Variants in NT5DC3 observed in about 807,000 individuals in gnomAD.
NT5DC3 encodes the protein 5'-nucleotidase domain-containing protein 3.
NT5DC3 carries 42 observed loss-of-function variants against 67.8 expected under a neutral mutation model. That is an observed-to-expected ratio of 0.62 (90% CI 0.48 to 0.80). The LOEUF is 0.80. Ranked by LOEUF, NT5DC3 falls within the 30% of genes least tolerant of loss-of-function variation. The pLI is 0.00. For missense variants in NT5DC3, 570 were observed against 696.4 expected, an observed-to-expected ratio of 0.82 and a Z score of 2.04; for synonymous variants, 237 against 255.6, an observed-to-expected ratio of 0.93 and a Z score of 0.69.
downstream of NT5DC3, among the ~76,000 whole-genome samples, chr12:103,770,182 A>G (rs547976977): frequency 3.4e-4 from 52 of 152,372 alleles, no homozygotes; most frequent in African/African-American, 1.1e-3. Flanking sequence ...TTTATAATGC[A>G]TCTTTAAGGA....
chr12:103,761,475 AACCATT>A, the NT5DC3 span: 9 of 1,404,492 alleles, frequency 6.4e-6, no homozygotes, highest in Non-Finnish European at 9.0e-6. Flanking sequence ...CCAACAGGCA[AACCATT>A]ACCAGAAGCC....
chr12:103,767,089 A>G (rs914665784), downstream of NT5DC3, among the ~76,000 whole-genome samples: 19 of 152,272 alleles, frequency 1.2e-4, no homozygotes, highest in African/African-American at 4.6e-4. Context: ...TATATATCCA[A>G]GAGACAGAAA....
intron 5 of NT5DC3, 120 bp from the exon 6 acceptor site, chr12:103,797,151 C>CA: frequency 9.5e-7 from 1 of 1,053,672 alleles, no homozygotes; most frequent in Non-Finnish European, 1.4e-6. Context: ...ATCATCAACA[C>CA]AAAAAAGGAA....
intron 9 of NT5DC3, among the ~76,000 whole-genome samples, 168 bp downstream of exon 9, chr12:103,792,996 C>T (rs114191905): frequency 0.013 from 1,970 of 152,280 alleles, 39 homozygotes; most frequent in African/African-American, 0.044. Context: ...CTGTCTGTTA[C>T]GTGCTCATGT....
intron 9 of NT5DC3, 186 bp from the exon 10 acceptor site, chr12:103,789,105 A>G (rs1885924798): frequency 7.2e-6 from 4 of 553,890 alleles, no homozygotes; most frequent in Middle Eastern, 9.5e-4. Flanking sequence ...GAAGCCCAGT[A>G]TCCAAAGGTG....
chr12:103,816,866 A>G (rs1342161368), intron 1 of NT5DC3, among the ~76,000 whole-genome samples: 1 of 152,174 alleles, frequency 6.6e-6, no homozygotes, highest in Non-Finnish European at 1.5e-5. Context: ...TCACTATGAC[A>G]TCATCCTTCA....
At chr12:103,811,322 G>T (rs55987022) in intron 2 of NT5DC3, among the ~76,000 whole-genome samples, 1 of 152,054 alleles carries the variant, frequency 6.6e-6, no homozygotes, top group Admixed American at 6.6e-5. Context: ...AGCCTCATCT[G>T]GGGGAAGAAA....
At chr12:103,785,010 G>A (rs762050772) in intron 12 of NT5DC3, among the ~76,000 whole-genome samples, 11 of 152,120 alleles carry the variant, frequency 7.2e-5, no homozygotes, top group African/African-American at 9.7e-5. Context: ...AAGTCCCACC[G>A]TAGCAGGTGC....
At position 103,806,752 on chromosome 12, in the gene NT5DC3, ATAATT is replaced by A. The variant is rs2139391935; in HGVS notation, c.468+98_468+102del. On this transcript the variant is annotated intron_variant, in intron 3 of 13. Coordinates refer to ENST00000392876, the MANE Select transcript of NT5DC3 (RefSeq NM_001031701.3). ...ATTTGGTTCTGCAGTCCCAAATAAC[ATAATT>A]TAAAACTAATTTGCCCGTTCAGTAA... The A allele has an allele frequency of 2.3e-5, 17 of 741,040 alleles. No individual in the cohort carries two copies. The South Asian group carries it at 2.9e-4, about 13-fold the overall frequency. The allele number at this position is 741,040 out of a possible 1,614,324, so 45.9% of individuals were successfully genotyped here.
chr12:103,758,382 C>A, the NT5DC3 span: 1 of 1,572,946 alleles, frequency 6.4e-7, no homozygotes, highest in South Asian at 1.1e-5. Flanking sequence ...AACTCAGTGG[C>A]TACACATTTA....
At chr12:103,755,162 G>T in the NT5DC3 span, 1 of 1,159,646 alleles carries the variant, frequency 8.6e-7, no homozygotes, top group Admixed American at 2.1e-5. Context: ...ACCACCTACT[G>T]TGTGCCAGGC....
At position 103,806,297 on chromosome 12, in the gene NT5DC3, T is replaced by G. The variant is rs1258366394; in HGVS notation, c.524+25A>C. 2.0e-6 allele frequency: 3 copies of G among 1,522,108 alleles called. No homozygotes were observed. The East Asian group carries it at 6.7e-5, about 34-fold the overall frequency. 94.3% of individuals were successfully genotyped at this position (1,522,108 alleles called of 1,614,324 possible). A position where few individuals can be genotyped will look rare whatever the true frequency, so the allele number is the denominator to read the frequency against. On this transcript the variant is annotated intron_variant, in intron 4 of 13. Transcript: ENST00000392876. Reference sequence around the variant, plus strand: ...AAGCACCTGGTTACTTCACGTAAATTAAATGTATCTCCTCTTACTCTTACC... The same window carrying G: ...AAGCACCTGGTTACTTCACGTAAATGAAATGTATCTCCTCTTACTCTTACC...
chr12:103,761,030 C>T, the NT5DC3 span, among the ~76,000 whole-genome samples: 1 of 152,082 alleles, frequency 6.6e-6, no homozygotes, highest in Non-Finnish European at 1.5e-5. Flanking sequence ...TGGGTCAGGC[C>T]ACTTTCCTTC....
chr12:103,805,175 G>T (rs2139385905), intron 4 of NT5DC3, among the ~76,000 whole-genome samples: 1 of 152,246 alleles, frequency 6.6e-6, no homozygotes, highest in African/African-American at 2.4e-5. Context: ...GACTGGAGAA[G>T]TGGGAGGAGG....
chr12:103,749,034 G>A, the NT5DC3 span: 1 of 1,613,990 alleles, frequency 6.2e-7, no homozygotes, highest in Non-Finnish European at 8.5e-7. Flanking sequence ...GGGCACGAAG[G>A]TCTCCTGCAG....
the NT5DC3 span, chr12:103,755,395 G>T: frequency 6.2e-7 from 1 of 1,614,158 alleles, no homozygotes; most frequent in Middle Eastern, 1.6e-4. Context: ...CTCTGGTGTG[G>T]TTGGGATAGT....
intron 12 of NT5DC3, 120 bp downstream of exon 12, chr12:103,785,215 C>G (rs188645356): frequency 0.016 from 14,819 of 904,798 alleles, 168 homozygotes; most frequent in Non-Finnish European, 0.022. Context: ...CGTTATTCTA[C>G]AGTCTACTGA....
At chr12:103,803,521 T>C (rs1288302913) in intron 4 of NT5DC3, among the ~76,000 whole-genome samples, 2 of 152,208 alleles carry the variant, frequency 1.3e-5, no homozygotes, top group East Asian at 1.9e-4. Flanking sequence ...AGGTTTGTTA[T>C]ATAGGTAAAT....
At chr12:103,822,246 A>G (rs1236519529) in intron 1 of NT5DC3, among the ~76,000 whole-genome samples, 3 of 152,054 alleles carry the variant, frequency 2.0e-5, no homozygotes, top group African/African-American at 4.8e-5. Flanking sequence ...GCAACATAAG[A>G]TTTTTTAACA....
Sources: gnomAD v4.1 joint callset for allele counts (sites outside exome capture counted in the v4.1 genomes callset) on GRCh38, gnomAD v4.1.1 for gene constraint, MANE v1.5 for transcripts, NCBI Gene and HGNC (gene_info 2026-07-23, HGNC 2026-07-21) for gene names.